PTPRD: variants seen among roughly 807,000 people sequenced by gnomAD.
The protein encoded by PTPRD is receptor-type tyrosine-protein phosphatase delta.
PTPRD carries 34 observed loss-of-function variants against 214.5 expected under a neutral mutation model. That is an observed-to-expected ratio of 0.16 (90% CI 0.12 to 0.21). PTPRD has a LOEUF of 0.21. Ranked by LOEUF, PTPRD falls within the 10% of genes least tolerant of loss-of-function variation. PTPRD has a pLI of 1.00. For missense variants in PTPRD, 2,545 were observed against 2,398.7 expected (o/e 1.06, Z -1.27); for synonymous variants, 1,128 against 845.7 (o/e 1.33, Z -5.79).
At chr9:9,704,615 C>G (rs1039844748) in intron 7 of PTPRD, among the ~76,000 whole-genome samples, 3 of 152,138 alleles carry the variant, frequency 2.0e-5, no homozygotes, top group African/African-American at 7.2e-5. Flanking sequence ...CTGGAACTTC[C>G]AAGAATATTT....
At chr9:8,787,880 C>T (rs1486330914) in intron 11 of PTPRD, among the ~76,000 whole-genome samples, 2 of 138,594 alleles carry the variant, frequency 1.4e-5, no homozygotes, top group African/African-American at 2.9e-5. Context: ...ATAATTTCAA[C>T]CTCTAGAAAG....
chr9:10,439,292 C>G (rs957334070), intron 2 of PTPRD, among the ~76,000 whole-genome samples: 1 of 151,810 alleles, frequency 6.6e-6, no homozygotes, highest in South Asian at 2.1e-4. Context: ...ATGCCCCAAG[C>G]ATTGTCACTA....
intron 12 of PTPRD, among the ~76,000 whole-genome samples, chr9:8,655,126 T>C (rs922092139): frequency 2.6e-5 from 4 of 152,166 alleles, no homozygotes; most frequent in South Asian, 2.1e-4. Flanking sequence ...GATGAGAGGA[T>C]AGTCTTCACA....
At chr9:8,797,007 T>C (rs1000565742) in intron 11 of PTPRD, 1 of 152,096 alleles carries the variant, frequency 6.6e-6, no homozygotes, top group African/African-American at 2.4e-5. Flanking sequence ...ACTATAACAT[T>C]AGATTAATTG....
At chr9:10,062,073 C>T (rs978058417) in intron 3 of PTPRD, among the ~76,000 whole-genome samples, 6 of 151,990 alleles carry the variant, frequency 3.9e-5, no homozygotes, top group African/African-American at 9.7e-5. Context: ...AAACTAAAAT[C>T]GTGACTCTCA....
chr9:9,982,475 G>GT (rs1555428531), intron 4 of PTPRD, among the ~76,000 whole-genome samples: 3 of 46,750 alleles, frequency 6.4e-5, no homozygotes, highest in African/African-American at 1.4e-4. Flanking sequence ...TGGTGGTGGT[G>GT]GTGTGTGTGT....
At chr9:9,483,920 T>A (rs190614242) in intron 8 of PTPRD, among the ~76,000 whole-genome samples, 1 of 151,924 alleles carries the variant, frequency 6.6e-6, no homozygotes, top group Non-Finnish European at 1.5e-5. Flanking sequence ...ATCACGTTTA[T>A]GTTATATTAT....
intron 2 of PTPRD, among the ~76,000 whole-genome samples, chr9:10,499,223 T>C (rs1247565765): frequency 3.9e-5 from 6 of 151,900 alleles, no homozygotes; most frequent in Non-Finnish European, 8.8e-5. Context: ...CTTGAGGTTT[T>C]TAAAATGAGA....
At chr9:10,538,238 TAAAA>T (rs1269994830) in intron 2 of PTPRD, among the ~76,000 whole-genome samples, 6 of 108,220 alleles carry the variant, frequency 5.5e-5, no homozygotes, top group Admixed American at 1.2e-4. Context: ...AGCCTCATCA[TAAAA>T]TAAATAAATA....
intron 7 of PTPRD, among the ~76,000 whole-genome samples, chr9:9,705,827 T>C (rs1049531449): frequency 2.6e-5 from 4 of 152,330 alleles, no homozygotes; most frequent in African/African-American, 7.2e-5. Context: ...AATTGTAATC[T>C]ATGACATTAA....
At chr9:9,808,138 T>G (rs888082590) in intron 5 of PTPRD, among the ~76,000 whole-genome samples, 3 of 152,330 alleles carry the variant, frequency 2.0e-5, no homozygotes, top group South Asian at 2.1e-4. Context: ...CTAATCCTTA[T>G]GTTTGAAATT....
intron 2 of PTPRD, among the ~76,000 whole-genome samples, chr9:10,574,703 T>G (rs565355856): frequency 1.1e-4 from 17 of 151,814 alleles, no homozygotes; most frequent in African/African-American, 3.9e-4. Context: ...TGCTTCCATT[T>G]CTATATTAAC....
At chr9:10,424,979 T>C (rs1257768457) in intron 2 of PTPRD, among the ~76,000 whole-genome samples, 2 of 151,990 alleles carry the variant, frequency 1.3e-5, no homozygotes, top group Non-Finnish European at 2.9e-5. Context: ...CAAGTTAAAA[T>C]GCAAAGGCAA....
intron 43 of PTPRD, among the ~76,000 whole-genome samples, chr9:8,335,730 A>G (rs7851782): frequency 0.1 from 15,154 of 152,166 alleles, 2,522 homozygotes; most frequent in African/African-American, 0.34. Flanking sequence ...ACATGATTGT[A>G]TATTTAGAAG....
intron 7 of PTPRD, among the ~76,000 whole-genome samples, chr9:9,608,913 C>G (rs1446502896): frequency 6.6e-6 from 1 of 152,116 alleles, no homozygotes; most frequent in Non-Finnish European, 1.5e-5. Context: ...ATTGTTTATT[C>G]TTTATTCGGA....
intron 10 of PTPRD, among the ~76,000 whole-genome samples, chr9:9,104,449 G>C (rs1055878847): frequency 1.3e-5 from 2 of 152,108 alleles, no homozygotes; most frequent in African/African-American, 4.8e-5. Flanking sequence ...ATTAAGTCTT[G>C]GCTAACATAT....
At chr9:8,858,846 C>CACACACAG (rs2098027895) in intron 11 of PTPRD, among the ~76,000 whole-genome samples, 1 of 151,116 alleles carries the variant, frequency 6.6e-6, no homozygotes, top group Non-Finnish European at 1.5e-5. Context: ...CACACAGACA[C>CACACACAG]ACAGACACAC....
At chr9:9,134,227 C>G (rs530204121) in intron 10 of PTPRD, among the ~76,000 whole-genome samples, 1 of 147,954 alleles carries the variant, frequency 6.8e-6, no homozygotes, top group Non-Finnish European at 1.5e-5. Flanking sequence ...TGCCCGCCAC[C>G]ACGCCCGGCT....
chr9:10,588,305 T>G (rs1456615627), intron 2 of PTPRD, among the ~76,000 whole-genome samples: 1 of 151,944 alleles, frequency 6.6e-6, no homozygotes, highest in African/African-American at 2.4e-5. Context: ...AAATGATGCT[T>G]ATGACAGGAA....
Sources: gnomAD v4.1 joint callset for allele counts (sites outside exome capture counted in the v4.1 genomes callset) on GRCh38, gnomAD v4.1.1 for gene constraint, MANE v1.5 for transcripts, NCBI Gene and HGNC (gene_info 2026-07-23, HGNC 2026-07-21) for gene names.